Variants in OSBP2 observed in about 807,000 individuals in gnomAD.
OSBP2 encodes the protein oxysterol-binding protein 2.
OSBP2 carries 66 observed loss-of-function variants against 96.0 expected under a neutral mutation model. The observed-to-expected ratio is 0.69, with a 90% CI of 0.56 to 0.84. The LOEUF is 0.84. OSBP2 is among the 40% of genes least tolerant of loss of function. The probability of loss-of-function intolerance (pLI) is 0.00; values close to 1 mark genes in which losing one functional copy is unlikely to be tolerated. For synonymous variants in OSBP2, 525 were observed against 520.9 expected (o/e 1.01, Z -0.11); for missense variants, 1,038 against 1,222.7 (o/e 0.85, Z 2.25).
chr22:30,826,936 C>T (rs1332383768), intron 2 of OSBP2, among the ~76,000 whole-genome samples: 1 of 152,186 alleles, frequency 6.6e-6, no homozygotes, highest in Admixed American at 6.5e-5. Context: ...TCTGGAACAA[C>T]CAGGGAAGCT....
At chr22:30,798,320 A>G (rs1046315469) in intron 2 of OSBP2, among the ~76,000 whole-genome samples, 1 of 152,166 alleles carries the variant, frequency 6.6e-6, no homozygotes, top group African/African-American at 2.4e-5. Context: ...TGTATTCTGT[A>G]TATTAATCCC....
intron 1 of OSBP2, among the ~76,000 whole-genome samples, chr22:30,713,334 C>A (rs1298523001): frequency 1.3e-5 from 2 of 152,130 alleles, no homozygotes; most frequent in Admixed American, 1.3e-4. Context: ...CCTCAGCCTC[C>A]CAAAGTGCTG....
At chr22:30,855,119 G>C (rs1052825458) in intron 2 of OSBP2, among the ~76,000 whole-genome samples, 1 of 152,194 alleles carries the variant, frequency 6.6e-6, no homozygotes, top group African/African-American at 2.4e-5. Context: ...TGAGATTTGG[G>C]TGGGGACACA....
intron 2 of OSBP2, among the ~76,000 whole-genome samples, chr22:30,831,378 C>G (rs2038518941): frequency 6.6e-6 from 1 of 152,200 alleles, no homozygotes; most frequent in African/African-American, 2.4e-5. Flanking sequence ...GCTGCACTGT[C>G]TCCTGCCATT....
At chr22:30,777,938 C>T (rs993451858) in intron 2 of OSBP2, among the ~76,000 whole-genome samples, 3 of 152,154 alleles carry the variant, frequency 2.0e-5, no homozygotes, top group Non-Finnish European at 4.4e-5. Flanking sequence ...CCACTATTCA[C>T]TTCAACTTGA....
intron 2 of OSBP2, among the ~76,000 whole-genome samples, chr22:30,776,858 C>G (rs930313799): frequency 3.9e-5 from 6 of 152,172 alleles, no homozygotes; most frequent in African/African-American, 9.7e-5. Flanking sequence ...CCATGGGAAC[C>G]CACCTCTTGC....
At chr22:30,729,145 C>T (rs2089703622) in intron 1 of OSBP2, among the ~76,000 whole-genome samples, 2 of 151,908 alleles carry the variant, frequency 1.3e-5, no homozygotes, top group Admixed American at 1.3e-4. Flanking sequence ...AGTTTTTTAC[C>T]CATTTTAAAT....
At position 30,741,150 on chromosome 22, in the gene OSBP2, A is replaced by C; in HGVS notation, c.645-11A>C. 1 of 1,610,212 alleles carries C rather than the reference A, an allele frequency of 6.2e-7. No homozygotes were observed. The highest frequency in any genetic ancestry group is 1.1e-5 in the South Asian group (1 of 90,930). On this transcript the variant is annotated splice_polypyrimidine_tract_variant and intron_variant, in intron 1 of 13. Coordinates refer to ENST00000332585, the MANE Select transcript of OSBP2 (RefSeq NM_030758.4). The stretch of plus-strand genomic sequence containing the variant: ...GGAGCCTCACCCCATTCCTTCTCTT[A>C]CATCCTACAGAAATCAGGGTGAAAT...
At chr22:30,872,961 C>G (rs1014519562) in intron 3 of OSBP2, among the ~76,000 whole-genome samples, 1 of 152,208 alleles carries the variant, frequency 6.6e-6, no homozygotes, top group Admixed American at 6.5e-5. Flanking sequence ...TTGGCCAGGC[C>G]TTGGCTTTGG....
chr22:30,803,995 C>G lies in OSBP2; in HGVS notation c.853+62626C>G, dbSNP rs147439792. Among the ~76,000 whole-genome samples the G allele has an allele frequency of 1.6e-4, 25 of 152,346 alleles. No individual in the cohort carries two copies. The East Asian group carries it at 4.8e-3, about 29-fold the overall frequency. On this transcript the variant is annotated intron_variant, in intron 2 of 13. Coordinates refer to ENST00000332585, the MANE Select transcript of OSBP2 (RefSeq NM_030758.4). ...CTTCCTCAGCCCCTACAGCTGCCCC[C>G]CTTCTGCCTTGAGCCATCTACTGAA... is the stretch of plus-strand genomic sequence containing the variant.
rs916866051 is a variant in OSBP2 at position 30,819,675 on chromosome 22, A to G, written c.854-50754A>G. On this transcript the variant is annotated intron_variant, in intron 2 of 13. Transcript: ENST00000332585. ...TAAAATGATTACATAGAAAAGAGAA[A>G]TAGTGTGTGTGTTTGCTTTAGTGGG... Among the ~76,000 whole-genome samples the G allele has an allele frequency of 2.0e-5, 3 of 152,230 alleles. No individual in the cohort carries two copies. The South Asian group carries it at 6.2e-4, about 32-fold the overall frequency.
chr22:30,775,605 T>C (rs2090422003), intron 2 of OSBP2, among the ~76,000 whole-genome samples: 1 of 151,994 alleles, frequency 6.6e-6, no homozygotes, highest in Admixed American at 6.6e-5. Flanking sequence ...GGTGAAAGAG[T>C]GAGACTCTGT....
chr22:30,717,469 CAT>C (rs753218054), intron 1 of OSBP2, among the ~76,000 whole-genome samples: 2 of 152,152 alleles, frequency 1.3e-5, no homozygotes, highest in Non-Finnish European at 2.9e-5. Flanking sequence ...GGAAATGACA[CAT>C]GTTTTACTGT....
intron 1 of OSBP2, among the ~76,000 whole-genome samples, chr22:30,725,166 ACT>A (rs1424062813): frequency 3.0e-5 from 4 of 132,040 alleles, no homozygotes; most frequent in African/African-American, 1.2e-4. Flanking sequence ...ACAGAGCAAG[ACT>A]CTGTCTCAAA....
In OSBP2 at chr22:30,707,541, C is replaced by T. The variant is rs529491375; in HGVS notation, c.644+11988C>T. On this transcript the variant is annotated intron_variant, in intron 1 of 13. Coordinates refer to ENST00000332585, the MANE Select transcript of OSBP2 (RefSeq NM_030758.4). Reference sequence around the variant, plus strand: ...CATCCTGGCTAACACAGTGAAACCCCGTCTCTACTAAAAATACACAAAAAA... The same window carrying T: ...CATCCTGGCTAACACAGTGAAACCCTGTCTCTACTAAAAATACACAAAAAA... 6.6e-5 allele frequency among the ~76,000 whole-genome samples: 10 copies of T among 151,538 alleles called. No homozygotes were observed. The South Asian group carries it at 1.5e-3, about 22-fold the overall frequency.
At chr22:30,756,734 C>T (rs1177327786) in intron 2 of OSBP2, among the ~76,000 whole-genome samples, 1 of 151,996 alleles carries the variant, frequency 6.6e-6, no homozygotes, top group Non-Finnish European at 1.5e-5. Context: ...TTAGAGTTGT[C>T]AAGAGGGATA....
In OSBP2 at chr22:30,897,737, G is replaced by T. The variant is rs547279250; in HGVS notation, c.2375+3736G>T. On this transcript the variant is annotated intron_variant, in intron 12 of 13. Transcript: ENST00000332585. ...CGGGGGAGGGCGGGGATCACCTGAG[G>T]TCAGGAGTTCGAGACCAGCCTGGCC... Among the ~76,000 whole-genome samples the T allele has an allele frequency of 5.3e-4, 81 of 152,316 alleles. 1 individual carries two copies. The South Asian group carries it at 0.017, about 31-fold the overall frequency.
intron 12 of OSBP2, among the ~76,000 whole-genome samples, chr22:30,901,900 C>T (rs1037826107): frequency 1.3e-5 from 2 of 151,986 alleles, no homozygotes; most frequent in African/African-American, 4.8e-5. Context: ...AGTCATAACC[C>T]AGTAATTCTA....
intron 2 of OSBP2, among the ~76,000 whole-genome samples, chr22:30,845,391 C>T (rs1023323360): frequency 6.6e-6 from 1 of 151,754 alleles, no homozygotes; most frequent in Non-Finnish European, 1.5e-5. Flanking sequence ...CCATTGCACT[C>T]CAGCCTGGGC....
Sources: gnomAD v4.1 joint callset for allele counts (sites outside exome capture counted in the v4.1 genomes callset) on GRCh38, gnomAD v4.1.1 for gene constraint, MANE v1.5 for transcripts, NCBI Gene and HGNC (gene_info 2026-07-23, HGNC 2026-07-21) for gene names.